The following ASNS variants were observed in gnomAD, a reference collection of about 807,000 sequenced individuals.
ASNS encodes the protein asparagine synthetase (glutamine-hydrolyzing).
Under a neutral mutation model 62.6 loss-of-function variants are expected in ASNS, and 37 were observed. That is an observed-to-expected ratio of 0.59 (90% CI 0.45 to 0.78). ASNS has a LOEUF of 0.78. Ranked by LOEUF, ASNS falls within the 30% of genes least tolerant of loss-of-function variation. ASNS has a pLI of 0.00. For missense variants in ASNS, 520 were observed against 682.4 expected (o/e 0.76, Z 2.65); for synonymous variants, 207 against 237.9 (o/e 0.87, Z 1.19).
chr7:97,883,407 C>T, the ASNS span, among the ~76,000 whole-genome samples: 3 of 152,156 alleles, frequency 2.0e-5, no homozygotes, highest in African/African-American at 7.2e-5. Flanking sequence ...TCTTTCTTAC[C>T]TTCCCTCCAG....
rs140017955 is a variant in ASNS at position 97,859,707 on chromosome 7, C to G, written c.488-309G>C. On this transcript the variant is annotated intron_variant, in intron 4 of 12. Transcript: ENST00000394308. Reference sequence around the variant, plus strand: ...TAATCAAGAAAACCTATTTTCTATACTAAAGCAAATACACAAAAGGAAAAG... The same window carrying G: ...TAATCAAGAAAACCTATTTTCTATAGTAAAGCAAATACACAAAAGGAAAAG... Among the ~76,000 whole-genome samples the G allele has an allele frequency of 4.8e-3, 729 of 152,196 alleles. 1 individual carries two copies. Among genetic ancestry groups the G allele is most frequent in the Non-Finnish European group, 7.5e-3 (513 of 68,008 alleles).
chr7:97,860,883 T>C (rs1373261239), intron 4 of ASNS, among the ~76,000 whole-genome samples: 1 of 152,184 alleles, frequency 6.6e-6, no homozygotes, highest in Non-Finnish European at 1.5e-5. Flanking sequence ...TTGATTTTTA[T>C]TATTGTTGCT....
Position 97,852,259 on chromosome 7 carries a change from C to G in ASNS, c.1686G>C (p.Ter562TyrextTer6), listed in dbSNP as rs775200046. ...TTTCACATTACAGCATAAAGACCAC[C>G]TAAGCTTTGACAGCTGACTTGTAGT... ...LTHYKSAVKA[*>Y] is the part of the protein sequence containing the mutation. The change falls in exon 13 of 13, where the codon TAG becomes TAC. Residue 562 changes from the stop codon to tyrosine (Y), a stop_lost. Coordinates refer to ENST00000394308, the MANE Select transcript of ASNS (RefSeq NM_001673.5). The G allele has an allele frequency of 1.2e-6, 2 of 1,614,100 alleles. No homozygotes were observed. The highest frequency in any genetic ancestry group is 2.2e-5 in the South Asian group (2 of 91,090).
At chr7:97,898,545 A>T in the ASNS span, 12 of 585,352 alleles carry the variant, frequency 2.1e-5, no homozygotes, top group African/African-American at 2.3e-4. Context: ...ATCTTTTCCA[A>T]TGTTGTCTGG....
chr7:97,878,968 C>T, the ASNS span, among the ~76,000 whole-genome samples: 1 of 152,272 alleles, frequency 6.6e-6, no homozygotes, highest in East Asian at 1.9e-4. Context: ...TGGAACAGAA[C>T]AGAGCCCTCA....
the ASNS span, among the ~76,000 whole-genome samples, chr7:97,903,077 T>A: frequency 3.3e-5 from 5 of 152,012 alleles, no homozygotes; most frequent in African/African-American, 9.7e-5. Context: ...AACAGAGAAA[T>A]TGCTGAGCCA....
the ASNS span, among the ~76,000 whole-genome samples, chr7:97,894,865 A>G: frequency 2.6e-5 from 4 of 152,370 alleles, no homozygotes; most frequent in Non-Finnish European, 5.9e-5. Flanking sequence ...TTCCTAACTC[A>G]TTGTATAAGG....
the ASNS span, among the ~76,000 whole-genome samples, chr7:97,896,741 CATATATATATATATATAT>C: frequency 7.1e-4 from 14 of 19,768 alleles, 2 homozygotes; most frequent in Non-Finnish European, 1.1e-3. Context: ...CACACACACA[CATATATATATATATATAT>C]ATATATATAT....
At chr7:97,880,603 A>G in the ASNS span, among the ~76,000 whole-genome samples, 1 of 152,200 alleles carries the variant, frequency 6.6e-6, no homozygotes, top group Admixed American at 6.5e-5. Flanking sequence ...CTGACTTGGC[A>G]GGTCAGAATT....
the ASNS span, among the ~76,000 whole-genome samples, chr7:97,924,141 A>G: frequency 6.6e-6 from 1 of 151,998 alleles, no homozygotes; most frequent in African/African-American, 2.4e-5. Context: ...CGCACTCCAC[A>G]AGTACTCCCA....
chr7:97,880,876 C>A, the ASNS span, among the ~76,000 whole-genome samples: 1 of 152,278 alleles, frequency 6.6e-6, no homozygotes, highest in African/African-American at 2.4e-5. Context: ...ATTACAGAAT[C>A]CCTTGGGGAT....
the ASNS span, among the ~76,000 whole-genome samples, chr7:97,923,417 C>G: frequency 1.3e-5 from 2 of 152,174 alleles, no homozygotes; most frequent in East Asian, 3.9e-4. Context: ...CTCATCTCCA[C>G]TAAAAATACA....
At chr7:97,876,499 C>A (rs1224000465), upstream of ASNS, among the ~76,000 whole-genome samples, 1 of 149,592 alleles carries the variant, frequency 6.7e-6, no homozygotes, top group Non-Finnish European at 1.5e-5. Context: ...GCAATCTCGG[C>A]TCACTGCAAC....
chr7:97,892,486 G>T, the ASNS span, among the ~76,000 whole-genome samples: 2 of 152,036 alleles, frequency 1.3e-5, no homozygotes, highest in South Asian at 2.1e-4. Flanking sequence ...GCATTGTCAG[G>T]CTGCAGATTT....
At chr7:97,886,776 C>A in the ASNS span, among the ~76,000 whole-genome samples, 5 of 152,098 alleles carry the variant, frequency 3.3e-5, no homozygotes, top group East Asian at 1.9e-4. Flanking sequence ...GACACAAAGA[C>A]CTTTTGGTTT....
the ASNS span, among the ~76,000 whole-genome samples, chr7:97,920,395 C>T: frequency 3.3e-5 from 5 of 151,806 alleles, no homozygotes; most frequent in Non-Finnish European, 7.4e-5. Context: ...TACTCTCAAA[C>T]CACCCCCCAA....
At chr7:97,888,939 G>T in the ASNS span, among the ~76,000 whole-genome samples, 2 of 152,160 alleles carry the variant, frequency 1.3e-5, no homozygotes, top group African/African-American at 4.8e-5. Context: ...ACCAGAACCT[G>T]CATATGTCAC....
chr7:97,893,538 A>T, the ASNS span, among the ~76,000 whole-genome samples: 35 of 152,388 alleles, frequency 2.3e-4, no homozygotes, highest in African/African-American at 7.7e-4. Context: ...AAAAAGATAT[A>T]CCACACAAAC....
the ASNS span, among the ~76,000 whole-genome samples, chr7:97,927,352 T>C: frequency 1.6e-4 from 25 of 152,296 alleles, no homozygotes; most frequent in African/African-American, 6.0e-4. Flanking sequence ...AGTCTTTCTA[T>C]GGACGAGCAT....
Sources: gnomAD v4.1 joint callset for allele counts (sites outside exome capture counted in the v4.1 genomes callset) on GRCh38, gnomAD v4.1.1 for gene constraint, MANE v1.5 for transcripts, NCBI Gene and HGNC (gene_info 2026-07-23, HGNC 2026-07-21) for gene names.